The following TNRC6A variants were observed in gnomAD, a reference collection of about 807,000 sequenced individuals.
TNRC6A encodes trinucleotide repeat-containing gene 6A protein.
A neutral mutation model predicts 221.2 loss-of-function variants in TNRC6A; 44 were observed. The observed-to-expected ratio is 0.20, with a 90% confidence interval of 0.16 to 0.26. The LOEUF is 0.26. Ranked by LOEUF, TNRC6A falls within the 10% of genes least tolerant of loss-of-function variation. TNRC6A has a pLI of 1.00. For missense variants in TNRC6A, 2,199 were observed against 2,404.4 expected (o/e 0.91, Z 1.79); for synonymous variants, 847 against 838.5 (o/e 1.01, Z -0.18).
At chr16:24,679,307 AT>A (rs914447886) in intron 2 of TNRC6A, among the ~76,000 whole-genome samples, 50 of 139,956 alleles carry the variant, frequency 3.6e-4, no homozygotes, top group African/African-American at 1.3e-3. Flanking sequence ...AAGACATTGA[AT>A]TTTTTTTTCT....
chr16:24,715,262 A>G (rs1267219506), intron 2 of TNRC6A, among the ~76,000 whole-genome samples: 2 of 151,772 alleles, frequency 1.3e-5, no homozygotes, highest in African/African-American at 2.4e-5. Flanking sequence ...TTTTGTAGAG[A>G]CAAGATCTCA....
chr16:24,647,907 A>G, intron 2 of TNRC6A, among the ~76,000 whole-genome samples: 1 of 152,128 alleles, frequency 6.6e-6, no homozygotes, highest in East Asian at 1.9e-4. Flanking sequence ...CACTGCACCC[A>G]GCCTATTTTC....
At chr16:24,625,440 C>T (rs1018809125) in intron 1 of TNRC6A, among the ~76,000 whole-genome samples, 47 of 152,062 alleles carry the variant, frequency 3.1e-4, no homozygotes, top group Non-Finnish European at 5.6e-4. Flanking sequence ...GGTGAAACCC[C>T]GTCTCTACTA....
intron 2 of TNRC6A, among the ~76,000 whole-genome samples, chr16:24,743,753 G>GT (rs1181242132): frequency 6.6e-6 from 1 of 152,090 alleles, no homozygotes; most frequent in Non-Finnish European, 1.5e-5. Context: ...TATACATACT[G>GT]TTTTTTACCA....
chr16:24,687,471 G>A (rs1249834270), intron 2 of TNRC6A, among the ~76,000 whole-genome samples: 1 of 148,844 alleles, frequency 6.7e-6, no homozygotes, highest in South Asian at 2.1e-4. Flanking sequence ...TATCACCTTG[G>A]GCTCTAATGG....
At chr16:24,626,640 A>G (rs1901009135) in intron 1 of TNRC6A, among the ~76,000 whole-genome samples, 1 of 148,834 alleles carries the variant, frequency 6.7e-6, no homozygotes, top group African/African-American at 2.5e-5. Flanking sequence ...GTTTTTTTAG[A>G]TACTATTTCT....
rs769733794 is a variant in TNRC6A, at chr16:24,620,605, C to T, written n.276+10121C>T. ...GGCAGATTACCTGAAATCAGGAGTT[C>T]GAGACCAGCTTGACCAATATAATGA... On this transcript the variant is annotated intron_variant and non_coding_transcript_variant, in intron 1 of 2. Coordinates refer to the TNRC6A transcript ENST00000566108. Among the ~76,000 whole-genome samples the T allele has an allele frequency of 7.5e-4, 114 of 151,370 alleles. 1 individual carries two copies. The highest frequency in any genetic ancestry group is 8.4e-4 in the South Asian group (4 of 4,788).
At chr16:24,812,617 T>C (rs2058569881) in intron 18 of TNRC6A, among the ~76,000 whole-genome samples, 1 of 152,200 alleles carries the variant, frequency 6.6e-6, no homozygotes. Context: ...TTGCCTACAT[T>C]ACTCAGTACA....
intron 4 of TNRC6A, among the ~76,000 whole-genome samples, chr16:24,773,911 C>T (rs552349802): frequency 4.0e-5 from 6 of 150,868 alleles, no homozygotes; most frequent in South Asian, 2.1e-4. Context: ...GTGCTTTTTG[C>T]GAAGTATATT....
intron 1 of TNRC6A, among the ~76,000 whole-genome samples, chr16:24,629,298 A>G (rs985069424): frequency 1.4e-4 from 22 of 152,220 alleles, no homozygotes; most frequent in Non-Finnish European, 2.8e-4. Context: ...TGCTTCAAAC[A>G]TCTGACAAGG....
At chr16:24,664,475 AAT>A (rs1169707636) in intron 2 of TNRC6A, among the ~76,000 whole-genome samples, 5 of 142,882 alleles carry the variant, frequency 3.5e-5, no homozygotes, top group Non-Finnish European at 7.6e-5. Flanking sequence ...AAATATAATA[AAT>A]ATAAATATAA....
At chr16:24,631,543 G>T (rs1490711404) in intron 1 of TNRC6A, among the ~76,000 whole-genome samples, 1 of 152,046 alleles carries the variant, frequency 6.6e-6, no homozygotes, top group African/African-American at 2.4e-5. Context: ...AAGCTGAGGT[G>T]GGTGGATCAC....
In TNRC6A at chr16:24,822,176, T is replaced by A. The variant is rs577575644; in HGVS notation, c.5373+29T>A. ...AGGATACCAGATACGCTGGTTTATGTGGCTACGCCAGGGAGCATGGGAACA... is the reference window on the plus strand; with the variant it reads ...AGGATACCAGATACGCTGGTTTATGAGGCTACGCCAGGGAGCATGGGAACA... On this transcript the variant is annotated intron_variant, in intron 23 of 24. Coordinates refer to ENST00000395799, the MANE Select transcript of TNRC6A (RefSeq NM_014494.4). 6.8e-6 allele frequency: 11 copies of A among 1,609,524 alleles called. No homozygotes were observed. In the East Asian group the frequency reaches 2.0e-4, roughly 29 times the overall value.
chr16:24,691,196 G>A (rs1315986972), intron 2 of TNRC6A, among the ~76,000 whole-genome samples: 1 of 151,970 alleles, frequency 6.6e-6, no homozygotes, highest in Admixed American at 6.6e-5. Context: ...CTCAAGCCCT[G>A]ACTAGTCTTT....
At chr16:24,641,824 G>A (rs1437123895) in intron 2 of TNRC6A, among the ~76,000 whole-genome samples, 1 of 152,060 alleles carries the variant, frequency 6.6e-6, no homozygotes, top group Non-Finnish European at 1.5e-5. Context: ...ATTGGTCTGG[G>A]CATTTGGAAT....
intron 1 of TNRC6A, among the ~76,000 whole-genome samples, chr16:24,630,279 G>A (rs1156923534): frequency 6.6e-6 from 1 of 152,054 alleles, no homozygotes; most frequent in Non-Finnish European, 1.5e-5. Context: ...CAGGGACTCT[G>A]CTCCTAACAC....
rs802765 is a variant in TNRC6A at position 24,648,492 on chromosome 16, G to C, written n.402+7483G>C. 3.5e-3 allele frequency among the ~76,000 whole-genome samples: 529 copies of C among 151,774 alleles called. 1 individual carries two copies. The highest frequency in any genetic ancestry group is 0.011 in the African/African-American group (462 of 41,388). The stretch of plus-strand genomic sequence containing the variant: ...TCACCGTGTTAGCCAGGATGGTCTC[G>C]ATCTCCTGACCTCATGATTCACCCG... On this transcript the variant is annotated intron_variant and non_coding_transcript_variant, in intron 2 of 2. Coordinates refer to the TNRC6A transcript ENST00000566108.
intron 8 of TNRC6A, 55 bp downstream of exon 8, chr16:24,794,774 C>T (rs1322117325): frequency 6.5e-7 from 1 of 1,539,132 alleles, no homozygotes. Context: ...GGTAGTTTAC[C>T]CACAGAAAAT....
At chr16:24,713,110 G>T (rs2056238585) in intron 2 of TNRC6A, among the ~76,000 whole-genome samples, 1 of 152,000 alleles carries the variant, frequency 6.6e-6, no homozygotes, top group Non-Finnish European at 1.5e-5. Flanking sequence ...AATTTTGAAA[G>T]TACTTTTGCA....
Sources: gnomAD v4.1 joint callset for allele counts (sites outside exome capture counted in the v4.1 genomes callset) on GRCh38, gnomAD v4.1.1 for gene constraint, MANE v1.5 for transcripts, NCBI Gene and HGNC (gene_info 2026-07-23, HGNC 2026-07-21) for gene names.